PITPNB: variants seen among roughly 807,000 people sequenced by gnomAD.
The protein encoded by PITPNB is phosphatidylinositol transfer protein beta isoform.
PITPNB carries 16 observed loss-of-function variants against 45.9 expected under a neutral mutation model. The ratio of observed to expected loss-of-function variants is 0.35; its 90% confidence interval spans 0.24 to 0.53. PITPNB has a LOEUF of 0.53. PITPNB is among the 20% of genes least tolerant of loss of function. The pLI, the probability that PITPNB is intolerant of heterozygous loss-of-function variation, is 0.93. For missense variants in PITPNB, 188 were observed against 330.5 expected, an observed-to-expected ratio of 0.57 and a Z score of 3.34; for synonymous variants, 112 against 108.9, an observed-to-expected ratio of 1.03 and a Z score of -0.18.
chr22:27,885,807 T>C (rs1653537343), intron 7 of PITPNB, among the ~76,000 whole-genome samples: 1 of 152,230 alleles, frequency 6.6e-6, no homozygotes, highest in Admixed American at 6.5e-5. Context: ...AGCCTTTTCT[T>C]CTTCTTTTTT....
chr22:27,854,322 C>T (rs976251680), intron 11 of PITPNB, among the ~76,000 whole-genome samples: 1 of 151,714 alleles, frequency 6.6e-6, no homozygotes, highest in Non-Finnish European at 1.5e-5. Flanking sequence ...ATGGTTCACA[C>T]CATAAATTAA....
At position 27,853,648 on chromosome 22, in the gene PITPNB, G is replaced by T; in HGVS notation, c.*54C>A. 1 of 1,550,464 alleles carries T rather than the reference G, an allele frequency of 6.4e-7. No homozygotes were observed. Among genetic ancestry groups the T allele is most frequent in the Non-Finnish European group, 8.7e-7 (1 of 1,146,512 alleles). On this transcript the variant is annotated 3_prime_UTR_variant, in exon 12 of 12. Transcript: ENST00000335272. ...CTGGCTGCGCTTGTTCCCCTCACTTGACCTTGATTACGTAACTGTAAGAAA... is the reference window on the plus strand; with the variant it reads ...CTGGCTGCGCTTGTTCCCCTCACTTTACCTTGATTACGTAACTGTAAGAAA...
intron 8 of PITPNB, among the ~76,000 whole-genome samples, chr22:27,873,171 G>A (rs935094819): frequency 1.3e-5 from 2 of 152,194 alleles, no homozygotes; most frequent in African/African-American, 4.8e-5. Context: ...GGAGGCTGAG[G>A]CAGGACAATC....
chr22:27,914,270 T>C lies in PITPNB; in HGVS notation c.51+47A>G, dbSNP rs750861187. 2.5e-6 allele frequency: 3 copies of C among 1,217,982 alleles called. No individual in the cohort carries two copies. The African/African-American group carries it at 4.5e-5, about 18-fold the overall frequency. The allele number at this position is 1,217,982 out of a possible 1,614,324, so 75.4% of individuals were successfully genotyped here. On this transcript the variant is annotated intron_variant, in intron 2 of 11. Coordinates refer to ENST00000335272, the MANE Select transcript of PITPNB (RefSeq NM_012399.5). ...GTGAGTTTAGAGTAACATATCAAAG[T>C]ACAGTACATATACCAATAAAATGAT...
At chr22:27,899,438 T>A (rs1476729537) in intron 3 of PITPNB, among the ~76,000 whole-genome samples, 3 of 152,112 alleles carry the variant, frequency 2.0e-5, no homozygotes, top group Non-Finnish European at 4.4e-5. Context: ...TTCTCCTGCC[T>A]CAGGCTCCCG....
At chr22:27,884,060 G>A (rs918526781) in intron 7 of PITPNB, among the ~76,000 whole-genome samples, 12 of 152,186 alleles carry the variant, frequency 7.9e-5, no homozygotes, top group African/African-American at 2.7e-4. Flanking sequence ...CTGCTTGCAC[G>A]AAGTGTTTCT....
chr22:27,860,096 TA>T, intron 9 of PITPNB, 34 bp downstream of exon 9: 1 of 1,266,316 alleles, frequency 7.9e-7, no homozygotes, highest in Non-Finnish European at 1.2e-6. Flanking sequence ...GATCTCATCC[TA>T]AATCTAAGTC....
At chr22:27,883,966 C>T (rs1935044502) in intron 7 of PITPNB, among the ~76,000 whole-genome samples, 1 of 152,194 alleles carries the variant, frequency 6.6e-6, no homozygotes. Flanking sequence ...CTTGGGAGTG[C>T]CTGTGTCCTC....
chr22:27,855,633 C>T (rs1272860463), intron 10 of PITPNB, among the ~76,000 whole-genome samples: 1 of 152,158 alleles, frequency 6.6e-6, no homozygotes, highest in Non-Finnish European at 1.5e-5. Context: ...ACCGGAGGTG[C>T]CAGTTAAGAA....
chr22:27,897,844 C>T lies in PITPNB; in HGVS notation c.246G>A (p.Val82=). ...ACGCATTCCAGGCTTTCTCATGAAACACCAAGGAGCCCTCGGGAGCAATCA... is the reference window on the plus strand; with the variant it reads ...ACGCATTCCAGGCTTTCTCATGAAATACCAAGGAGCCCTCGGGAGCAATCA... The part of the protein sequence containing the change: ...VRMIAPEGSL[V]FHEKAWNAYP... The change falls in exon 4 of 12, where the codon GTG becomes GTA. Residue 82 remains valine, a synonymous_variant. Coordinates refer to ENST00000335272, the MANE Select transcript of PITPNB (RefSeq NM_012399.5). 1 of 1,614,030 alleles carries T rather than the reference C, an allele frequency of 6.2e-7. No individual in the cohort carries two copies. Among genetic ancestry groups the T allele is most frequent in the Non-Finnish European group, 8.5e-7 (1 of 1,179,910 alleles).
intron 1 of PITPNB, among the ~76,000 whole-genome samples, chr22:27,916,696 G>C (rs1465718762): frequency 6.6e-6 from 1 of 152,052 alleles, no homozygotes; most frequent in African/African-American, 2.4e-5. Flanking sequence ...CCAGCTACTT[G>C]GGAGGCTGAG....
Position 27,897,910 on chromosome 22 carries a change from C to T in PITPNB, c.198-18G>A, listed in dbSNP as rs745535284. 6.5e-7 allele frequency: 1 copy of T among 1,531,690 alleles called. No individual in the cohort carries two copies. The highest frequency in any genetic ancestry group is 1.7e-5 in the Admixed American group (1 of 59,910). 94.9% of individuals were successfully genotyped at this position (1,531,690 alleles called of 1,614,324 possible). On this transcript the variant is annotated intron_variant, in intron 3 of 11. Coordinates refer to ENST00000335272, the MANE Select transcript of PITPNB (RefSeq NM_012399.5). ...GCACTTTGCTGGGAGAAGAGAGATA[C>T]TGGATATATTTAACAGCACCATCAA...
rs1232481143 is a variant in PITPNB, at chr22:27,858,094, A to G, written c.768+293T>C. On this transcript the variant is annotated intron_variant, in intron 10 of 11. Coordinates refer to ENST00000335272, the MANE Select transcript of PITPNB (RefSeq NM_012399.5). ...GACTGTGAACCAGGAACCAGCCTACAGAACTAAAGCTAGTGTGTAAGAAAG... is the reference window on the plus strand; with the variant it reads ...GACTGTGAACCAGGAACCAGCCTACGGAACTAAAGCTAGTGTGTAAGAAAG... 2.0e-5 allele frequency among the ~76,000 whole-genome samples: 3 copies of G among 152,366 alleles called. No homozygotes were observed. The East Asian group carries it at 5.8e-4, about 29-fold the overall frequency.
At chr22:27,916,717 C>T (rs1055336373) in intron 1 of PITPNB, among the ~76,000 whole-genome samples, 2 of 151,950 alleles carry the variant, frequency 1.3e-5, no homozygotes, top group Non-Finnish European at 2.9e-5. Context: ...GCAGGAAAAT[C>T]GCTTGAACCT....
At chr22:27,885,964 G>A (rs1306763704) in intron 7 of PITPNB, among the ~76,000 whole-genome samples, 1 of 152,192 alleles carries the variant, frequency 6.6e-6, no homozygotes, top group Non-Finnish European at 1.5e-5. Flanking sequence ...CCGCCAAGAG[G>A]CATCTAGCTT....
intron 1 of PITPNB, among the ~76,000 whole-genome samples, chr22:27,915,501 C>T (rs183615271): frequency 1.3e-5 from 2 of 152,074 alleles, no homozygotes; most frequent in East Asian, 3.9e-4. Context: ...TCCTTTCTCC[C>T]TACTCTCCTC....
intron 8 of PITPNB, among the ~76,000 whole-genome samples, chr22:27,871,050 GGGGAAAA>G (rs1343125388): frequency 2.6e-5 from 4 of 152,112 alleles, no homozygotes; most frequent in African/African-American, 9.7e-5. Context: ...TTAACACAGG[GGGGAAAA>G]TGGAAAAAAA....
At chr22:27,879,759 C>T (rs1934915979) in intron 7 of PITPNB, among the ~76,000 whole-genome samples, 1 of 151,948 alleles carries the variant, frequency 6.6e-6, no homozygotes, top group Non-Finnish European at 1.5e-5. Context: ...GGCATGTTTC[C>T]TTAAATGACA....
intron 10 of PITPNB, 85 bp downstream of exon 10, chr22:27,858,302 T>G (rs1934229179): frequency 3.7e-6 from 4 of 1,072,808 alleles, no homozygotes; most frequent in Middle Eastern, 2.2e-4. Context: ...ACACTCTTCC[T>G]AATTCTAACT....
Sources: gnomAD v4.1 joint callset for allele counts (sites outside exome capture counted in the v4.1 genomes callset) on GRCh38, gnomAD v4.1.1 for gene constraint, MANE v1.5 for transcripts, NCBI Gene and HGNC (gene_info 2026-07-23, HGNC 2026-07-21) for gene names.